FLG: variants seen among roughly 807,000 people sequenced by gnomAD.
The protein encoded by FLG is filaggrin, also known as epidermal filaggrin.
FLG carries 6 observed loss-of-function variants against 3.8 expected under a neutral mutation model. That is an observed-to-expected ratio of 1.60 (90% CI 0.87 to 3.15). FLG has a LOEUF of 3.15. FLG is among the 30% of genes most tolerant of loss of function. The pLI is 0.00. For synonymous variants in FLG, 2,551 were observed against 1,931.6 expected, an observed-to-expected ratio of 1.32 and a Z score of -8.41; for missense variants, 7,595 against 5,050.9, an observed-to-expected ratio of 1.50 and a Z score of -15.27.
In FLG at chr1:152,313,078, A is replaced by C. The variant is rs775281252; in HGVS notation, c.1808T>G (p.Val603Gly). ...GGGCCCCGATGATTGTCCCTGGCCCACCTGTGAGTGTCTAGAGCTGTCAGC... is the reference window on the plus strand; with the variant it reads ...GGGCCCCGATGATTGTCCCTGGCCCCCCTGTGAGTGTCTAGAGCTGTCAGC... The part of the protein sequence containing the change: ...SQADSSRHSQ[V>G]GQGQSSGPRT... Residue 603 changes from valine (V) to glycine (G), a missense_variant, in exon 3 of 3, where the codon GTG (valine) becomes GGG (glycine). Transcript: ENST00000368799. 1.2e-6 allele frequency: 2 copies of C among 1,613,526 alleles called. No homozygotes were observed. Among genetic ancestry groups the C allele is most frequent in the African/African-American group, 1.3e-5 (1 of 74,672 alleles).
In FLG at chr1:152,313,513, G is replaced by T; in HGVS notation, c.1373C>A (p.Ser458Ter). 17 of 1,613,920 alleles carry T rather than the reference G, an allele frequency of 1.1e-5. No individual in the cohort carries two copies. The highest frequency in any genetic ancestry group is 1.4e-5 in the Non-Finnish European group (16 of 1,180,002). The change falls in exon 3 of 3, where the codon TCA becomes TAA. Residue 458 changes from serine to a stop codon, truncating the protein, a stop_gained. Coordinates refer to ENST00000368799, the MANE Select transcript of FLG (RefSeq NM_002016.2). LOFTEE classifies it low-confidence loss of function (END_TRUNC). ...QSHQESTRGRSGERSGRSGSS... is the reference protein window; with the variant it reads ...QSHQESTRGR ...CCCTGAACGTCCAGACCGTTCCCCTGACCGGCCACGTGTGGACTCTTGGTG... is the reference window on the plus strand; with the variant it reads ...CCCTGAACGTCCAGACCGTTCCCCTTACCGGCCACGTGTGGACTCTTGGTG...
chr1:152,303,911 AC>A lies in FLG; in HGVS notation c.10974del (p.Ser3659ProfsTer56). On this transcript the variant is annotated frameshift_variant, in exon 3 of 3. Transcript: ENST00000368799. LOFTEE classifies it low-confidence loss of function (END_TRUNC). ...CTGTCACTGGCCTGACTACCACTGG[AC>A]CCTCGGTGTCCACTGTCTCTGACTG... ...SSAVRDSGHR[G>X]SSGSQASDSE... The A allele has an allele frequency of 1.2e-6, 2 of 1,611,608 alleles. No individual in the cohort carries two copies. Among genetic ancestry groups the A allele is most frequent in the Non-Finnish European group, 1.7e-6 (2 of 1,179,476 alleles).
In FLG at chr1:152,305,381, C is replaced by A. The variant is rs780412683; in HGVS notation, c.9505G>T (p.Glu3169Ter). 2 of 1,607,552 alleles carry A rather than the reference C, an allele frequency of 1.2e-6. No homozygotes were observed. The highest frequency in any genetic ancestry group is 1.4e-5 in the African/African-American group (1 of 72,660). ...TGCCTGGAGCTGTCTCCTGATTGTT[C>A]CTCATTACGTGTTGTTCTGCTTGCA... is the stretch of plus-strand genomic sequence containing the variant. ...RSASRTTRNE[E>*]QSGDSSRHSV... Residue 3169 changes from glutamate (E) to a stop codon, truncating the protein, a stop_gained, in exon 3 of 3, where the codon GAA becomes TAA. Coordinates refer to ENST00000368799, the MANE Select transcript of FLG (RefSeq NM_002016.2). LOFTEE classifies it low-confidence loss of function (END_TRUNC).
Position 152,314,059 on chromosome 1 carries a change from T to C in FLG, c.827A>G (p.His276Arg). ...CAATGGTACCTGGCTTGTATTTTCA[T>C]GTCTTGACCTGTTCACTTGAGATGA... ...KSSSQVNRSR[H>R]ENTSQVPLQE... The change falls in exon 3 of 3, where the codon CAT (histidine) becomes CGT (arginine). Residue 276 changes from histidine to arginine, a missense_variant. Transcript: ENST00000368799. 2 of 1,614,222 alleles carry C rather than the reference T, an allele frequency of 1.2e-6. No individual in the cohort carries two copies. The highest frequency in any genetic ancestry group is 8.5e-7 in the Non-Finnish European group (1 of 1,180,028).
chr1:152,308,230 C>A lies in FLG; in HGVS notation c.6656G>T (p.Ser2219Ile), dbSNP rs1370441148. Residue 2219 changes from serine (S) to isoleucine (I), a missense_variant, in exon 3 of 3, where the codon AGC becomes ATC. By Grantham distance (142) the Ser-to-Ile change is moderately radical (BLOSUM62 -2). Transcript: ENST00000368799. ...CTGGCCCACCAGTGAGTGTCTAGAG[C>A]TGTCGGCCCAAGAGGAAGCTTCATG... ...HHHEASSWAD[S>I]SRHSLVGQGQ... The A allele has an allele frequency of 1.2e-6, 2 of 1,613,992 alleles. No homozygotes were observed. The highest frequency in any genetic ancestry group is 8.5e-7 in the Non-Finnish European group (1 of 1,179,932).
chr1:152,309,953 G>A lies in FLG; in HGVS notation c.4933C>T (p.His1645Tyr), dbSNP rs778766819. 1 of 1,613,984 alleles carries A rather than the reference G, an allele frequency of 6.2e-7. No individual in the cohort carries two copies. Among genetic ancestry groups the A allele is most frequent in the Non-Finnish European group, 8.5e-7 (1 of 1,180,022 alleles). Residue 1645 changes from histidine to tyrosine, a missense_variant, in exon 3 of 3, where the codon CAC (histidine) becomes TAC (tyrosine). His to Tyr is a moderately conservative substitution (Grantham distance 83). Transcript: ENST00000368799. ...SHQEDRASHG[H>Y]SAESSRQSGT... Reference sequence around the variant, plus strand: ...GATTGTCTGGAGCTCTCTGCAGAGTGCCCATGACTGGCTCTATCTTCTTGA... The same window carrying A: ...GATTGTCTGGAGCTCTCTGCAGAGTACCCATGACTGGCTCTATCTTCTTGA...
rs2786667 is a variant in FLG at position 152,315,310 on chromosome 1, G to C, written c.138+9C>G. The C allele has an allele frequency of 1.2e-6, 2 of 1,612,802 alleles. No homozygotes were observed. Among genetic ancestry groups the C allele is most frequent in the Non-Finnish European group, 1.7e-6 (2 of 1,179,180 alleles). ...ATGCTCTATCTTTGGTCTTGTCAGA[G>C]ACTCTTACCTTCAGGATTTGCCGAA... On this transcript the variant is annotated intron_variant, in intron 2 of 2. Coordinates refer to ENST00000368799, the MANE Select transcript of FLG (RefSeq NM_002016.2).
intron 2 of FLG, 113 bp downstream of exon 2, chr1:152,315,206 A>G: frequency 9.6e-7 from 1 of 1,039,278 alleles, no homozygotes; most frequent in Non-Finnish European, 1.5e-6. Context: ...GACAAGATTA[A>G]CTCTTTTCCT....
chr1:152,307,080 G>A lies in FLG; in HGVS notation c.7806C>T (p.Gly2602=). The change falls in exon 3 of 3, where the codon GGC becomes GGT. Residue 2602 remains glycine (G), a synonymous_variant. Transcript: ENST00000368799. ...CTTGATGGGACCTGGGGTGTCTGGA[G>A]CCATCTCTTAGCTGCTCCTGAGCAG... is the stretch of plus-strand genomic sequence containing the variant. ...HGSAQEQLRD[G]SRHPRSHQED... 6.2e-7 allele frequency: 1 copy of A among 1,610,112 alleles called. No homozygotes were observed. Among genetic ancestry groups the A allele is most frequent in the Non-Finnish European group, 8.5e-7 (1 of 1,179,602 alleles).
In FLG at chr1:152,313,461, A is replaced by C; in HGVS notation, c.1425T>G (p.His475Gln). 1 of 1,613,626 alleles carries C rather than the reference A, an allele frequency of 6.2e-7. No individual in the cohort carries two copies. The highest frequency in any genetic ancestry group is 8.5e-7 in the Non-Finnish European group (1 of 1,179,972). ...SGSSLYQVST[H>Q]EQPDSAHGRT... ...GTCCATGGGCAGAGTCAGGCTGTTC[A>C]TGAGTGCTCACCTGGTAGAGGGAAG... Residue 475 changes from histidine (H) to glutamine (Q), a missense_variant, in exon 3 of 3, where the codon CAT becomes CAG. By Grantham distance (24) the His-to-Gln change is conservative. Coordinates refer to ENST00000368799, the MANE Select transcript of FLG (RefSeq NM_002016.2).
At position 152,304,715 on chromosome 1, in the gene FLG, T is replaced by G. The variant is rs1179731469; in HGVS notation, c.10171A>C (p.Ser3391Arg). The change falls in exon 3 of 3, where the codon AGC becomes CGC. Residue 3391 changes from serine (S) to arginine (R), a missense_variant. Ser to Arg is a moderately radical substitution (Grantham distance 110). Coordinates refer to ENST00000368799, the MANE Select transcript of FLG (RefSeq NM_002016.2). ...GCAGACTCAGACTGTTCATGAGTGC[T>G]CACCTGGTAGAGGAAAGACCCTGAA... The part of the protein sequence containing the change: ...GRSGSFLYQV[S>R]THEQSESAHG... The G allele has an allele frequency of 1.2e-6, 2 of 1,613,294 alleles. No homozygotes were observed. Among genetic ancestry groups the G allele is most frequent in the East Asian group, 4.5e-5 (2 of 44,756 alleles).
rs1228721756 is a variant in FLG, at chr1:152,312,652, C to G, written c.2234G>C (p.Ser745Thr). Reference protein sequence around the residue: ...RDSGHRGSSGSQATDSEGHSE... With the variant: ...RDSGHRGSSGTQATDSEGHSE... Reference sequence around the variant, plus strand: ...ATGTCCCTCACTGTCAGTGGCCTGACTACCACTGGACCCTCGGTGTCCACT... The same window carrying G: ...ATGTCCCTCACTGTCAGTGGCCTGAGTACCACTGGACCCTCGGTGTCCACT... The change falls in exon 3 of 3, where the codon AGT (serine) becomes ACT (threonine). Residue 745 changes from serine (S) to threonine (T), a missense_variant. By Grantham distance (58) the Ser-to-Thr change is moderately conservative. Transcript: ENST00000368799. The G allele has an allele frequency of 5.0e-6, 8 of 1,613,878 alleles. No homozygotes were observed. Among genetic ancestry groups the G allele is most frequent in the African/African-American group, 2.7e-5 (2 of 74,798 alleles).
rs1173521451 is a variant in FLG, at chr1:152,308,408, T to C, written c.6478A>G (p.Arg2160Gly). Residue 2160 changes from arginine to glycine, a missense_variant, in exon 3 of 3, where the codon AGG (arginine) becomes GGG (glycine). Arg to Gly is a moderately radical substitution (Grantham distance 125). Transcript: ENST00000368799. ...TGATGAGACCCTGAGTGTCCAGACC[T>C]ATCTACCGATTGCTCTTGGTGGGAC... ...QGSHQEQSVD[R>G]SGHSGSHHSH... The C allele has an allele frequency of 6.2e-7, 1 of 1,613,880 alleles. No individual in the cohort carries two copies. Among genetic ancestry groups the C allele is most frequent in the Admixed American group, 1.7e-5 (1 of 60,006 alleles).
rs368803716 is a variant in FLG at position 152,310,224 on chromosome 1, G to A, written c.4662C>T (p.Ser1554=). 2.9e-5 allele frequency: 47 copies of A among 1,613,674 alleles called. No individual in the cohort carries two copies. In the African/African-American group the frequency reaches 5.6e-4, roughly 19 times the overall value. ...TRNEEQSGDG[S]RHSGSRHHEP... ...CATGGTGACGTGACCCTGAGTGCCT[G>A]GAGCCGTCTCCTGATTGTTCCTCAT... Residue 1554 remains serine (S), a synonymous_variant, in exon 3 of 3, where the codon TCC becomes TCT. Transcript: ENST00000368799.
rs778427890 is a variant in FLG, at chr1:152,311,061, G to A, written c.3825C>T (p.Asp1275=). ...HQGSSVSQDS[D]SERHSDDSER... ...CGGAGTCGTCTGAGTGTCTCTCACT[G>A]TCACTGTCCTGGCTAACACTGGATC... Residue 1275 remains aspartate (D), a synonymous_variant, in exon 3 of 3, where the codon GAC becomes GAT. Transcript: ENST00000368799. 3 of 1,613,776 alleles carry A rather than the reference G, an allele frequency of 1.9e-6. No homozygotes were observed. The highest frequency in any genetic ancestry group is 2.7e-5 in the African/African-American group (2 of 74,822).
rs142371107 is a variant in FLG at position 152,312,426 on chromosome 1, G to A, written c.2460C>T (p.Ser820=). Residue 820 remains serine, a synonymous_variant, in exon 3 of 3, where the codon TCC becomes TCT. Coordinates refer to ENST00000368799, the MANE Select transcript of FLG (RefSeq NM_002016.2). ...AGTTGTCTCGTGCCTGCTCATGGTGGGATCCTTGTCTTACTCCAGTGCTGG... is the reference window on the plus strand; with the variant it reads ...AGTTGTCTCGTGCCTGCTCATGGTGAGATCCTTGTCTTACTCCAGTGCTGG... The part of the protein sequence containing the change: ...TGPSTGVRQG[S]HHEQARDNSR... 1.2e-6 allele frequency: 2 copies of A among 1,613,246 alleles called. No individual in the cohort carries two copies. Among genetic ancestry groups the A allele is most frequent in the Admixed American group, 1.7e-5 (1 of 59,942 alleles).
At position 152,307,804 on chromosome 1, in the gene FLG, CG is replaced by C. The variant is rs1557874635; in HGVS notation, c.7081del (p.Arg2361GlufsTer58). On this transcript the variant is annotated frameshift_variant, in exon 3 of 3. Transcript: ENST00000368799. LOFTEE classifies it low-confidence loss of function (END_TRUNC). ...ASSAVRDSGH[R>X]GSSGSQASDS... The stretch of plus-strand genomic sequence containing the variant: ...ACTGGCCTGACTACCACTGGACCCT[CG>C]GTGTCCACTGTCTCTGACTGCAGAT... 1 of 1,613,302 alleles carries C rather than the reference CG, an allele frequency of 6.2e-7. No homozygotes were observed. Among genetic ancestry groups the C allele is most frequent in the Admixed American group, 1.7e-5 (1 of 59,976 alleles).
Position 152,307,044 on chromosome 1 carries a change from A to T in FLG, c.7842T>A (p.Ala2614=), listed in dbSNP as rs201652079. The T allele has an allele frequency of 6.2e-7, 1 of 1,605,340 alleles. No individual in the cohort carries two copies. Among genetic ancestry groups the T allele is most frequent in the African/African-American group, 1.4e-5 (1 of 70,706 alleles). ...AGCTGTCTGCAGAGTGCCCATGACCAGCTCTGTCTTCTTGATGGGACCTGG... is the reference window on the plus strand; with the variant it reads ...AGCTGTCTGCAGAGTGCCCATGACCTGCTCTGTCTTCTTGATGGGACCTGG... ...RHPRSHQEDR[A]GHGHSADSSR... Residue 2614 remains alanine (A), a synonymous_variant, in exon 3 of 3, where the codon GCT becomes GCA. Transcript: ENST00000368799.
chr1:152,308,765 C>A lies in FLG; in HGVS notation c.6121G>T (p.Gly2041Cys). The A allele has an allele frequency of 1.2e-6, 2 of 1,614,188 alleles. No individual in the cohort carries two copies. The highest frequency in any genetic ancestry group is 1.7e-4 in the Middle Eastern group (1 of 6,060). ...CCCTCACTGTCACTGGCCTGACTAC[C>A]ACTGTACCCTCGGTGTCCACTGTCT... ...VRDSGHRGYS[G>C]SQASDSEGHS... The change falls in exon 3 of 3, where the codon GGT (glycine) becomes TGT (cysteine). Residue 2041 changes from glycine (G) to cysteine (C), a missense_variant. By Grantham distance (159) the Gly-to-Cys change is radical. Transcript: ENST00000368799.
Sources: allele counts gnomAD v4.1 joint callset, GRCh38; gene constraint gnomAD v4.1.1; transcripts MANE v1.5; gene names NCBI Gene and HGNC (gene_info 2026-07-23, HGNC 2026-07-21).